GUCY1A2: variants seen among roughly 807,000 people sequenced by gnomAD.
GUCY1A2 encodes the protein guanylate cyclase soluble subunit alpha-2.
A neutral mutation model predicts 63.5 loss-of-function variants in GUCY1A2; 27 were observed. The ratio of observed to expected loss-of-function variants is 0.43; its 90% confidence interval spans 0.31 to 0.59. GUCY1A2 has a LOEUF of 0.59. Among genes scored for constraint, GUCY1A2 ranks in the 20% least tolerant of loss-of-function variants. The pLI, the probability that GUCY1A2 is intolerant of heterozygous loss-of-function variation, is 0.11. For synonymous variants in GUCY1A2, 364 were observed against 343.5 expected, an observed-to-expected ratio of 1.06 and a Z score of -0.66; for missense variants, 768 against 913.3, an observed-to-expected ratio of 0.84 and a Z score of 2.05.
At chr11:106,920,912 C>A (rs1474061790) in intron 4 of GUCY1A2, among the ~76,000 whole-genome samples, 2 of 152,090 alleles carry the variant, frequency 1.3e-5, no homozygotes, top group Admixed American at 1.3e-4. Context: ...CAATGACATT[C>A]TAGTAATAAA....
intron 6 of GUCY1A2, among the ~76,000 whole-genome samples, chr11:106,724,060 T>C (rs10789539): frequency 0.45 from 68,465 of 152,082 alleles, 15,895 homozygotes; most frequent in Middle Eastern, 0.54. Context: ...AAAACAACCA[T>C]ATGAATAAAC....
At chr11:106,905,717 T>C (rs1860195980) in intron 4 of GUCY1A2, among the ~76,000 whole-genome samples, 1 of 152,112 alleles carries the variant, frequency 6.6e-6, no homozygotes, top group African/African-American at 2.4e-5. Flanking sequence ...GGGCAGCTCA[T>C]GCTCACATGT....
At chr11:106,911,178 G>A (rs1164858467) in intron 4 of GUCY1A2, among the ~76,000 whole-genome samples, 1 of 151,928 alleles carries the variant, frequency 6.6e-6, no homozygotes, top group African/African-American at 2.4e-5. Context: ...ACAATTTAAT[G>A]TTTTTACCTA....
chr11:107,004,236 T>C (rs1861644186), intron 1 of GUCY1A2, among the ~76,000 whole-genome samples: 1 of 152,198 alleles, frequency 6.6e-6, no homozygotes, highest in Admixed American at 6.5e-5. Context: ...CTGAAAGGCA[T>C]ATGAGGTTTG....
chr11:106,902,485 G>A (rs1860147480), intron 4 of GUCY1A2, among the ~76,000 whole-genome samples: 1 of 152,172 alleles, frequency 6.6e-6, no homozygotes, highest in African/African-American at 2.4e-5. Flanking sequence ...GTCCTACCTA[G>A]ATGGCATCTT....
chr11:106,997,627 C>A (rs56025412), intron 1 of GUCY1A2, among the ~76,000 whole-genome samples: 40 of 126,770 alleles, frequency 3.2e-4, no homozygotes, highest in Middle Eastern at 4.1e-3. Flanking sequence ...ACCCCCCCCC[C>A]CCACCCGAGC....
At chr11:106,874,025 A>G (rs1859715951) in intron 4 of GUCY1A2, among the ~76,000 whole-genome samples, 1 of 152,174 alleles carries the variant, frequency 6.6e-6, no homozygotes, top group African/African-American at 2.4e-5. Flanking sequence ...TATATAAATC[A>G]ATGTTATCCT....
Position 106,708,496 on chromosome 11 carries a change from G to A in GUCY1A2, c.1991+16C>T. 6.2e-7 allele frequency: 1 copy of A among 1,601,306 alleles called. No individual in the cohort carries two copies. The highest frequency in any genetic ancestry group is 1.1e-5 in the South Asian group (1 of 90,234). ...CAAAGGCCAAGACAGGAAGGAGGAG[G>A]CCAGAGAACACTTACTGGTAAGTGG... On this transcript the variant is annotated intron_variant, in intron 7 of 7. Transcript: ENST00000526355.
intron 1 of GUCY1A2, among the ~76,000 whole-genome samples, chr11:106,989,745 AT>A (rs1565352614): frequency 6.6e-6 from 1 of 152,176 alleles, no homozygotes; most frequent in Non-Finnish European, 1.5e-5. Flanking sequence ...TGGCAGCCAG[AT>A]TTATAAATAT....
Position 106,740,893 on chromosome 11 carries a change from G to A in GUCY1A2, c.1837-32227C>T, listed in dbSNP as rs530076079. Among the ~76,000 whole-genome samples, 192 of 152,092 alleles carry A rather than the reference G, an allele frequency of 1.3e-3. 1 individual carries two copies. Among genetic ancestry groups the A allele is most frequent in the African/African-American group, 4.5e-3 (185 of 41,482 alleles). The stretch of plus-strand genomic sequence containing the variant: ...TCTCCATTTTGGTCAGGCTGGTCTC[G>A]TACTCCCAACCTCAGGTGATCCACC... On this transcript the variant is annotated intron_variant, in intron 6 of 7. Coordinates refer to ENST00000526355, the MANE Select transcript of GUCY1A2 (RefSeq NM_000855.3).
chr11:107,001,882 G>A (rs1052681251), intron 1 of GUCY1A2, among the ~76,000 whole-genome samples: 1 of 152,050 alleles, frequency 6.6e-6, no homozygotes, highest in African/African-American at 2.4e-5. Flanking sequence ...AGCCGGGCAT[G>A]GTGGCGGACA....
intron 3 of GUCY1A2, among the ~76,000 whole-genome samples, chr11:106,946,409 T>A (rs949575433): frequency 1.3e-5 from 2 of 151,940 alleles, no homozygotes; most frequent in African/African-American, 4.8e-5. Flanking sequence ...ATCATATAGC[T>A]CACGGATTAA....
At chr11:106,768,263 C>T (rs1221029073) in intron 6 of GUCY1A2, among the ~76,000 whole-genome samples, 1 of 152,158 alleles carries the variant, frequency 6.6e-6, no homozygotes, top group African/African-American at 2.4e-5. Flanking sequence ...TCTGGGACTA[C>T]AGGTATGCCC....
At chr11:106,726,083 G>A (rs554602136) in intron 6 of GUCY1A2, among the ~76,000 whole-genome samples, 1 of 152,080 alleles carries the variant, frequency 6.6e-6, no homozygotes, top group African/African-American at 2.4e-5. Flanking sequence ...TTTATTTATT[G>A]TGATAACACT....
chr11:106,987,041 A>G lies in GUCY1A2; in HGVS notation c.304-910T>C, dbSNP rs1252624141. Among the ~76,000 whole-genome samples, 4 of 152,232 alleles carry G rather than the reference A, an allele frequency of 2.6e-5. No individual in the cohort carries two copies. The East Asian group carries it at 7.7e-4, about 29-fold the overall frequency. ...ACCTAGATGTTATTAGGAAGTTATG[A>G]TAAGAAGAACCAAGTTCTCAGTAGC... is the stretch of plus-strand genomic sequence containing the variant. On this transcript the variant is annotated intron_variant, in intron 1 of 7. Transcript: ENST00000526355.
chr11:106,748,937 G>C (rs1364745180), intron 6 of GUCY1A2, among the ~76,000 whole-genome samples: 1 of 151,966 alleles, frequency 6.6e-6, no homozygotes, highest in African/African-American at 2.4e-5. Flanking sequence ...TTTTGTCTCT[G>C]TATGCCCAGT....
At chr11:106,967,454 C>G (rs1348321196) in intron 3 of GUCY1A2, among the ~76,000 whole-genome samples, 1 of 152,056 alleles carries the variant, frequency 6.6e-6, no homozygotes, top group South Asian at 2.1e-4. Flanking sequence ...CCCACTATTT[C>G]TGACATTAGT....
intron 4 of GUCY1A2, among the ~76,000 whole-genome samples, chr11:106,841,950 G>C (rs1339583758): frequency 6.6e-6 from 1 of 151,524 alleles, no homozygotes; most frequent in African/African-American, 2.4e-5. Context: ...TCCACCTTCT[G>C]TACCCTGCTC....
chr11:106,772,684 C>T (rs1444880997), intron 6 of GUCY1A2, among the ~76,000 whole-genome samples: 1 of 152,072 alleles, frequency 6.6e-6, no homozygotes, highest in African/African-American at 2.4e-5. Context: ...AAACACAATT[C>T]CCTGGTTTTG....
Sources: gnomAD v4.1 joint callset for allele counts (sites outside exome capture counted in the v4.1 genomes callset) on GRCh38, gnomAD v4.1.1 for gene constraint, MANE v1.5 for transcripts, NCBI Gene and HGNC (gene_info 2026-07-23, HGNC 2026-07-21) for gene names.